Variants in MGAM2 observed in about 807,000 individuals in gnomAD.
MGAM2 encodes the protein maltase-glucoamylase 2 (putative).
Under a neutral mutation model 96.1 loss-of-function variants are expected in MGAM2, and 98 were observed. The ratio of observed to expected loss-of-function variants is 1.02; its 90% CI spans 0.87 to 1.21. MGAM2 has a LOEUF of 1.21. MGAM2 is among the 50% of genes most tolerant of loss of function. MGAM2 has a pLI of 0.00. For synonymous variants in MGAM2, 749 were observed against 414.8 expected, an observed-to-expected ratio of 1.81 and a Z score of -9.79; for missense variants, 2,055 against 1,182.4, an observed-to-expected ratio of 1.74 and a Z score of -10.82.
chr7:142,154,163 G>T lies in MGAM2; in HGVS notation c.1780G>T (p.Glu594Ter). The change falls in exon 16 of 48, where the codon GAG (glutamate) becomes TAG (stop). Residue 594 changes from glutamate to a stop codon, truncating the protein, a stop_gained. Coordinates refer to ENST00000477922, the MANE Select transcript of MGAM2 (RefSeq NM_001293626.2). LOFTEE classifies it high-confidence loss of function. ...DLRWSIPTIL[E>*]FNLFGIPMVG... ...CCGATGGTCTATCCCCACTATCCTT[G>T]AGTTCAACCTGTTTGGCATCCCCAT... is the stretch of plus-strand genomic sequence containing the variant. 1 of 638,690 alleles carries T rather than the reference G, an allele frequency of 1.6e-6. No homozygotes were observed. The highest frequency in any genetic ancestry group is 2.9e-6 in the Non-Finnish European group (1 of 341,138). The allele number at this position is 638,690 out of a possible 1,614,324, so 39.6% of individuals were successfully genotyped here.
At chr7:142,116,437 A>C (rs1239731040) in intron 1 of MGAM2, among the ~76,000 whole-genome samples, 1 of 152,202 alleles carries the variant, frequency 6.6e-6, no homozygotes, top group Non-Finnish European at 1.5e-5. Context: ...CAGTTGAAAG[A>C]AGAAGACTTG....
At chr7:142,158,165 A>G (rs1462224474) in intron 18 of MGAM2, 74 bp downstream of exon 18, 1 of 700,240 alleles carries the variant, frequency 1.4e-6, no homozygotes, top group African/African-American at 1.8e-5. Context: ...TAGCAAGGTT[A>G]GTTAGGATCT....
At chr7:142,125,740 C>T (rs1256105240) in intron 3 of MGAM2, among the ~76,000 whole-genome samples, 1 of 152,138 alleles carries the variant, frequency 6.6e-6, no homozygotes, top group African/African-American at 2.4e-5. Flanking sequence ...AAAATGACAT[C>T]AGATGTTAGC....
At chr7:142,117,277 C>A (rs13238947) in intron 2 of MGAM2, among the ~76,000 whole-genome samples, 118 of 152,236 alleles carry the variant, frequency 7.8e-4, no homozygotes, top group African/African-American at 2.8e-3. Flanking sequence ...GTCGTACTGC[C>A]TTCAATGAGA....
chr7:142,132,199 A>G, intron 6 of MGAM2, 114 bp downstream of exon 6: 2 of 520,570 alleles, frequency 3.8e-6, no homozygotes, highest in Non-Finnish European at 6.8e-6. Context: ...ATGTTTGAAT[A>G]TTAGAAAAAT....
At chr7:142,159,563 G>T (rs1237515187) in intron 20 of MGAM2, among the ~76,000 whole-genome samples, 2 of 152,086 alleles carry the variant, frequency 1.3e-5, no homozygotes, top group South Asian at 4.1e-4. Flanking sequence ...TATTGCTCAC[G>T]GTTTTGGAGG....
In MGAM2 at chr7:142,158,040, T is replaced by G. The variant is rs990315431; in HGVS notation, c.2027T>G (p.Phe676Cys). 1 of 703,010 alleles carries G rather than the reference T, an allele frequency of 1.4e-6. No homozygotes were observed. The highest frequency in any genetic ancestry group is 2.6e-6 in the Non-Finnish European group (1 of 385,000). The allele number at this position is 703,010 out of a possible 1,614,324, so 43.5% of individuals were successfully genotyped here. A position where few individuals can be genotyped will look rare whatever the true frequency, so the allele number is the denominator to read the frequency against. Residue 676 changes from phenylalanine to cysteine, a missense_variant, in exon 18 of 48, where the codon TTC becomes TGC. Phe to Cys is a radical substitution (Grantham distance 205). Transcript: ENST00000477922. Reference sequence around the variant, plus strand: ...TTGCTGCCCTATCTCTATACCCTTTTCTACCATGCTCACACCCGGGGAGAG... The same window carrying G: ...TTGCTGCCCTATCTCTATACCCTTTGCTACCATGCTCACACCCGGGGAGAG... ...YTLLPYLYTL[F>C]YHAHTRGETV...
intron 21 of MGAM2, 70 bp from the exon 22 acceptor site, chr7:142,161,055 T>C (rs1795873811): frequency 5.8e-6 from 4 of 686,994 alleles, no homozygotes; most frequent in Non-Finnish European, 1.1e-5. Context: ...CCCTGGGGGA[T>C]GAAGGTGGCT....
rs1797950949 is a variant in MGAM2, at chr7:142,222,143, T to C, written c.*84T>C. The C allele has an allele frequency of 2.5e-6, 1 of 396,796 alleles. No individual in the cohort carries two copies. The highest frequency in any genetic ancestry group is 4.4e-6 in the Non-Finnish European group (1 of 225,084). The allele number at this position is 396,796 out of a possible 1,614,324, so 24.6% of individuals were successfully genotyped here. A position where few individuals can be genotyped will look rare whatever the true frequency, so the allele number is the denominator to read the frequency against. On this transcript the variant is annotated 3_prime_UTR_variant, in exon 48 of 48. Transcript: ENST00000477922. ...ATAGAAAATCAGTTACGAGACACTC[T>C]ATCTATCTTATGCTACTTAAGTTTT...
rs186117527 is a variant in MGAM2 at position 142,151,170 on chromosome 7, A to G, written c.1635-2848A>G. ...AGCCCATATCCTTAGCCTTATCAAT[A>G]GAGTGTGTACTGAAGACACTTTGTT... is the stretch of plus-strand genomic sequence containing the variant. On this transcript the variant is annotated intron_variant, in intron 15 of 47. Transcript: ENST00000477922. 9.8e-5 allele frequency among the ~76,000 whole-genome samples: 15 copies of G among 152,298 alleles called. No homozygotes were observed. The East Asian group carries it at 2.9e-3, about 29-fold the overall frequency.
rs1473406533 is a variant in MGAM2 at position 142,220,158 on chromosome 7, C to G, written c.5647C>G (p.Pro1883Ala). 4 of 702,736 alleles carry G rather than the reference C, an allele frequency of 5.7e-6. No homozygotes were observed. The highest frequency in any genetic ancestry group is 1.0e-5 in the Non-Finnish European group (4 of 384,898). The allele number at this position is 702,736 out of a possible 1,614,324, so 43.5% of individuals were successfully genotyped here. Residue 1883 changes from proline to alanine, a missense_variant, in exon 48 of 48, where the codon CCT (proline) becomes GCT (alanine). By Grantham distance (27) the Pro-to-Ala change is conservative. Coordinates refer to ENST00000477922, the MANE Select transcript of MGAM2 (RefSeq NM_001293626.2). ...TNTTVPDTTS[P>A]FPTSTTNAST... ...TACTACTGTTCCTGATACAACTTCTCCTTTCCCTACAAGTACTACTAATGC... is the reference window on the plus strand; with the variant it reads ...TACTACTGTTCCTGATACAACTTCTGCTTTCCCTACAAGTACTACTAATGC...
At position 142,221,496 on chromosome 7, in the gene MGAM2, A is replaced by C; in HGVS notation, c.6985A>C (p.Ile2329Leu). The C allele has an allele frequency of 1.8e-6, 1 of 544,308 alleles. No homozygotes were observed. The highest frequency in any genetic ancestry group is 3.2e-6 in the Non-Finnish European group (1 of 310,226). The allele number at this position is 544,308 out of a possible 1,614,324, so 33.7% of individuals were successfully genotyped here. ...AAGTAATACATTCACTACTGATAAA[A>C]TTACTAATTTTACTACCCCTACAAA... ...PTSNTFTTDK[I>L]TNFTTPTNAN... Residue 2329 changes from isoleucine to leucine, a missense_variant, in exon 48 of 48, where the codon ATT (isoleucine) becomes CTT (leucine). Physicochemically the swap from Ile to Leu is conservative, Grantham distance 5. Transcript: ENST00000477922.
intron 32 of MGAM2, 24 bp from the exon 33 acceptor site, chr7:142,183,242 C>T (rs1223529497): frequency 5.8e-6 from 4 of 692,864 alleles, no homozygotes; most frequent in Admixed American, 2.1e-5. Context: ...CTCACATTTG[C>T]TGTTTGAAAT....
chr7:142,157,704 T>A (rs187712843), intron 17 of MGAM2, among the ~76,000 whole-genome samples: 35 of 152,228 alleles, frequency 2.3e-4, no homozygotes, highest in African/African-American at 7.7e-4. Flanking sequence ...GACACCAAAT[T>A]TAAACTCTGC....
chr7:142,184,858 A>C (rs892124738), intron 33 of MGAM2, among the ~76,000 whole-genome samples: 1 of 150,540 alleles, frequency 6.6e-6, no homozygotes, highest in South Asian at 2.2e-4. Flanking sequence ...TTAATTATTA[A>C]ATTCAAAAAT....
rs995272469 is a variant in MGAM2 at position 142,172,543 on chromosome 7, G to A, written c.3449-109G>A. ...GGATGAGAGAAGACTTTCTAGAGAAGGCATGTATCAAAGACAGAGTATGAA... is the reference window on the plus strand; with the variant it reads ...GGATGAGAGAAGACTTTCTAGAGAAAGCATGTATCAAAGACAGAGTATGAA... On this transcript the variant is annotated intron_variant, in intron 29 of 47. Transcript: ENST00000477922. 5.2e-6 allele frequency: 3 copies of A among 577,284 alleles called. No individual in the cohort carries two copies. In the African/African-American group the frequency reaches 5.6e-5, roughly 11 times the overall value. The allele number at this position is 577,284 out of a possible 1,614,324, so 35.8% of individuals were successfully genotyped here. A position where few individuals can be genotyped will look rare whatever the true frequency, so the allele number is the denominator to read the frequency against.
chr7:142,116,628 C>A (rs532192939), intron 1 of MGAM2, among the ~76,000 whole-genome samples: 1 of 152,280 alleles, frequency 6.6e-6, no homozygotes, highest in South Asian at 2.1e-4. Context: ...TATACTTTTC[C>A]TTGGACAATC....
In MGAM2 at chr7:142,167,762, G is replaced by A. The variant is rs182591232; in HGVS notation, c.3027+276G>A. The stretch of plus-strand genomic sequence containing the variant: ...TAATTTTTGTATTTTTTGTAGAGAC[G>A]GGGTTTTGCCTTGTTTCCCAGGCGG... On this transcript the variant is annotated intron_variant, in intron 26 of 47. Transcript: ENST00000477922. Among the ~76,000 whole-genome samples the A allele has an allele frequency of 7.2e-5, 11 of 152,104 alleles. No individual in the cohort carries two copies. In the East Asian group the frequency reaches 1.6e-3, roughly 21 times the overall value.
Position 142,220,696 on chromosome 7 carries a change from C to T in MGAM2, c.6185C>T (p.Thr2062Ile). The part of the protein sequence containing the change: ...TSTSATVPIT[T>I]TPSPTNTADA... ...ACTAGTGCTACTGTTCCTATTACAA[C>T]CACACCTTCCCCTACAAATACTGCT... The change falls in exon 48 of 48, where the codon ACC (threonine) becomes ATC (isoleucine). Residue 2062 changes from threonine to isoleucine, a missense_variant. By Grantham distance (89) the Thr-to-Ile change is moderately conservative. Transcript: ENST00000477922. 1 of 702,298 alleles carries T rather than the reference C, an allele frequency of 1.4e-6. No homozygotes were observed. The highest frequency in any genetic ancestry group is 2.6e-6 in the Non-Finnish European group (1 of 384,846). 43.5% of individuals were successfully genotyped at this position (702,298 alleles called of 1,614,324 possible).
Sources: allele counts gnomAD v4.1 joint callset (sites outside exome capture counted in the v4.1 genomes callset), GRCh38; gene constraint gnomAD v4.1.1; transcripts MANE v1.5; gene names NCBI Gene and HGNC (gene_info 2026-07-23, HGNC 2026-07-21).